The following MFSD6 variants were observed in gnomAD, a reference collection of about 807,000 sequenced individuals.
The protein encoded by MFSD6 is major facilitator superfamily domain containing 6.
In MFSD6, 26 loss-of-function variants were observed where a neutral mutation model predicts 56.3. The observed-to-expected ratio is 0.46, with a 90% confidence interval of 0.34 to 0.64. The LOEUF is 0.64. MFSD6 is among the 30% of genes least tolerant of loss of function. The pLI, the probability that MFSD6 is intolerant of heterozygous loss-of-function variation, is 0.01. For synonymous variants in MFSD6, 331 were observed against 366.9 expected (o/e 0.90, Z 1.12); for missense variants, 750 against 986.2 (o/e 0.76, Z 3.21).
intron 3 of MFSD6, among the ~76,000 whole-genome samples, chr2:190,460,203 A>G (rs1687251318): frequency 6.6e-6 from 1 of 152,252 alleles, no homozygotes; most frequent in Non-Finnish European, 1.5e-5. Flanking sequence ...TCAGCTACTC[A>G]TTGAGCTATT....
At position 190,436,391 on chromosome 2, in the gene MFSD6, G is replaced by T; in HGVS notation, c.362G>T (p.Trp121Leu). 1 of 1,614,088 alleles carries T rather than the reference G, an allele frequency of 6.2e-7. No homozygotes were observed. The highest frequency in any genetic ancestry group is 8.5e-7 in the Non-Finnish European group (1 of 1,180,010). ...YFIEFCSAPFWGVVADRFKKG... is the reference protein window; with the variant it reads ...YFIEFCSAPFLGVVADRFKKG... Reference sequence around the variant, plus strand: ...ATTGAATTCTGCAGTGCCCCCTTTTGGGGTGTAGTTGCAGACCGCTTTAAA... The same window carrying T: ...ATTGAATTCTGCAGTGCCCCCTTTTTGGGTGTAGTTGCAGACCGCTTTAAA... The change falls in exon 3 of 8, where the codon TGG becomes TTG. Residue 121 changes from tryptophan to leucine, a missense_variant. Trp to Leu is a moderately conservative substitution (Grantham distance 61, BLOSUM62 -2). This residue lies in a region of MFSD6 where 376 missense variants were observed against 437.9 expected (regional missense o/e 0.86). Transcript: ENST00000392328. The surrounding 1 kb of genome is among the most constrained non-coding windows in gnomAD (Gnocchi z 5.3).
intron 4 of MFSD6, among the ~76,000 whole-genome samples, chr2:190,476,435 CAACA>C (rs1688317835): frequency 6.6e-6 from 1 of 152,086 alleles, no homozygotes; most frequent in Non-Finnish European, 1.5e-5. Context: ...TTTATGCAGC[CAACA>C]GACACATGAA....
chr2:190,479,787 G>A (rs1311686333), intron 4 of MFSD6, among the ~76,000 whole-genome samples: 1 of 152,142 alleles, frequency 6.6e-6, no homozygotes, highest in African/African-American at 2.4e-5. Context: ...GAGTGAAAAC[G>A]AGGTCTGGGT....
In MFSD6 at chr2:190,437,133, C is replaced by T. The variant is rs1389386880; in HGVS notation, c.1104C>T (p.Tyr368=). 2.5e-6 allele frequency: 4 copies of T among 1,614,130 alleles called. No homozygotes were observed. Among genetic ancestry groups the T allele is most frequent in the African/African-American group, 1.3e-5 (1 of 74,936 alleles). The change falls in exon 3 of 8, where the codon TAC becomes TAT. Residue 368 remains tyrosine (Y), a synonymous_variant. Transcript: ENST00000392328. The surrounding 1 kb of genome is among the most constrained non-coding windows in gnomAD (Gnocchi z 5.9). ...GTAAGCCCCCCGAGTACAGGAATTA[C>T]CAGATCGTCTTCATCGTCTTCGGCG... ...KGCKPPEYRN[Y]QIVFIVFGVL...
At position 190,438,447 on chromosome 2, in the gene MFSD6, C is replaced by T. The variant is rs1686254215; in HGVS notation, c.1532+886C>T. Among the ~76,000 whole-genome samples, 1 of 152,172 alleles carries T rather than the reference C, an allele frequency of 6.6e-6. No homozygotes were observed. Among genetic ancestry groups the T allele is most frequent in the Non-Finnish European group, 1.5e-5 (1 of 68,030 alleles). On this transcript the variant is annotated intron_variant, in intron 3 of 7. Transcript: ENST00000392328. The surrounding 1 kb of genome is among the most constrained non-coding windows in gnomAD (Gnocchi z 5.2). ...ACAAGAATCACTTGAACCCAGGAGG[C>T]AGAGGTTGCAGTGAGTCAAGATCAC...
rs778190199 is a variant in MFSD6 at position 190,489,804 on chromosome 2, G to T, written c.1829G>T (p.Cys610Phe). 1.9e-6 allele frequency: 3 copies of T among 1,614,204 alleles called. No individual in the cohort carries two copies. Among genetic ancestry groups the T allele is most frequent in the East Asian group, 4.5e-5 (2 of 44,888 alleles). ...AATFRGIGMA[C>F]LVILLLFALI... ...ACCTTCCGAGGAATTGGCATGGCCTGCTTGGTGATCCTACTGCTCTTTGCC... is the reference window on the plus strand; with the variant it reads ...ACCTTCCGAGGAATTGGCATGGCCTTCTTGGTGATCCTACTGCTCTTTGCC... The change falls in exon 6 of 8, where the codon TGC becomes TTC. Residue 610 changes from cysteine (C) to phenylalanine (F), a missense_variant. By Grantham distance (205) the Cys-to-Phe change is radical. Around this residue, in one of 5 missense-constraint regions of MFSD6, gnomAD observed 125 missense variants for 223.1 expected, o/e 0.56. Coordinates refer to ENST00000392328, the MANE Select transcript of MFSD6 (RefSeq NM_017694.4). The surrounding 1 kb of genome is among the most constrained non-coding windows in gnomAD (Gnocchi z 6.6).
At position 190,465,541 on chromosome 2, in the gene MFSD6, C is replaced by T. The variant is rs1293066184; in HGVS notation, c.1533-4217C>T. Among the ~76,000 whole-genome samples the T allele has an allele frequency of 2.6e-5, 4 of 151,932 alleles. No individual in the cohort carries two copies. Among genetic ancestry groups the T allele is most frequent in the Non-Finnish European group, 5.9e-5 (4 of 68,006 alleles). ...AAAATTCTAGGACCCTGAACATATGCTCATATTCAGCATAAAAAAGAATTT... is the reference window on the plus strand; with the variant it reads ...AAAATTCTAGGACCCTGAACATATGTTCATATTCAGCATAAAAAAGAATTT... On this transcript the variant is annotated intron_variant, in intron 3 of 7. Coordinates refer to ENST00000392328, the MANE Select transcript of MFSD6 (RefSeq NM_017694.4). The surrounding 1 kb of genome is among the most constrained non-coding windows in gnomAD (Gnocchi z 4.6).
rs1440006022 is a variant in MFSD6 at position 190,492,115 on chromosome 2, G to T, written c.1891+2249G>T. Among the ~76,000 whole-genome samples, 1 of 151,984 alleles carries T rather than the reference G, an allele frequency of 6.6e-6. No individual in the cohort carries two copies. Among genetic ancestry groups the T allele is most frequent in the African/African-American group, 2.4e-5 (1 of 41,352 alleles). On this transcript the variant is annotated intron_variant, in intron 6 of 7. Coordinates refer to ENST00000392328, the MANE Select transcript of MFSD6 (RefSeq NM_017694.4). The surrounding 1 kb of genome is among the most constrained non-coding windows in gnomAD (Gnocchi z 5.2). The stretch of plus-strand genomic sequence containing the variant: ...TAATCCAACGAAGACAAAGAAAAAA[G>T]AATTTTAAAAAATGAACAAAGCCTC...
rs1457765927 is a variant in MFSD6 at position 190,496,256 on chromosome 2, G to A, written c.1892-1183G>A. 6.6e-6 allele frequency among the ~76,000 whole-genome samples: 1 copy of A among 152,048 alleles called. No individual in the cohort carries two copies. The highest frequency in any genetic ancestry group is 1.5e-5 in the Non-Finnish European group (1 of 68,012). On this transcript the variant is annotated intron_variant, in intron 6 of 7. Transcript: ENST00000392328. The surrounding 1 kb of genome is among the most constrained non-coding windows in gnomAD (Gnocchi z 4.7). ...ATGGTCAACATCACTAGTGATCAGG[G>A]AAATGCAAATCAAAACCACAATGTG... is the stretch of plus-strand genomic sequence containing the variant.
chr2:190,418,566 G>A lies in MFSD6; in HGVS notation c.-54+3153G>A, dbSNP rs1390775098. Among the ~76,000 whole-genome samples, 2 of 151,890 alleles carry A rather than the reference G, an allele frequency of 1.3e-5. No individual in the cohort carries two copies. Among genetic ancestry groups the A allele is most frequent in the Non-Finnish European group, 2.9e-5 (2 of 67,974 alleles). ...AGCCCAGGAGTTCAAGACCAGCCTG[G>A]GCAACATAGTGAGACCCTGTCTCTG... On this transcript the variant is annotated intron_variant, in intron 2 of 7. Coordinates refer to ENST00000392328, the MANE Select transcript of MFSD6 (RefSeq NM_017694.4). The surrounding 1 kb of genome is among the most constrained non-coding windows in gnomAD (Gnocchi z 4.1).
rs1685759787 is a variant in MFSD6 at position 190,425,475 on chromosome 2, G to C, written c.-54+10062G>C. On this transcript the variant is annotated intron_variant, in intron 2 of 7. Coordinates refer to ENST00000392328, the MANE Select transcript of MFSD6 (RefSeq NM_017694.4). The surrounding 1 kb of genome is among the most constrained non-coding windows in gnomAD (Gnocchi z 4.3). ...GCAGTGTTACCCATGGGTTTCCGTA[G>C]GTGATCTTTATCAAATTGAGAACAT... Among the ~76,000 whole-genome samples, 1 of 152,074 alleles carries C rather than the reference G, an allele frequency of 6.6e-6. No homozygotes were observed. The highest frequency in any genetic ancestry group is 2.1e-4 in the South Asian group (1 of 4,824).
intron 3 of MFSD6, among the ~76,000 whole-genome samples, chr2:190,445,800 A>G (rs925857472): frequency 1.5e-5 from 2 of 135,574 alleles, no homozygotes; most frequent in African/African-American, 5.3e-5. Context: ...TCAGATTCAT[A>G]ACGTGGTAAT....
rs1386905981 is a variant in MFSD6 at position 190,487,038 on chromosome 2, TTTAAC to T, written c.1631-1617_1631-1613del. On this transcript the variant is annotated intron_variant, in intron 4 of 7. Transcript: ENST00000392328. The surrounding 1 kb of genome is among the most constrained non-coding windows in gnomAD (Gnocchi z 5.5). The stretch of plus-strand genomic sequence containing the variant: ...GGTAAATTGTTTCTGCACTCATTTT[TTTAAC>T]TGAACTATATATTAAGAAGCATGGC... 6.6e-6 allele frequency among the ~76,000 whole-genome samples: 1 copy of T among 152,198 alleles called. No homozygotes were observed. The highest frequency in any genetic ancestry group is 1.5e-5 in the Non-Finnish European group (1 of 68,040).
rs530888918 is a variant in MFSD6, at chr2:190,496,595, T to A, written c.1892-844T>A. On this transcript the variant is annotated intron_variant, in intron 6 of 7. Coordinates refer to ENST00000392328, the MANE Select transcript of MFSD6 (RefSeq NM_017694.4). The surrounding 1 kb of genome is among the most constrained non-coding windows in gnomAD (Gnocchi z 4.7). ...GCCCAAATGCCCATCAATCAATGAG[T>A]GGATAAAGAAACTGTAGTGTGTGTA... 5.9e-5 allele frequency among the ~76,000 whole-genome samples: 9 copies of A among 151,766 alleles called. No homozygotes were observed. The highest frequency in any genetic ancestry group is 1.3e-4 in the Non-Finnish European group (9 of 67,946).
intron 4 of MFSD6, among the ~76,000 whole-genome samples, chr2:190,486,407 T>C (rs1461915300): frequency 3.3e-5 from 5 of 152,264 alleles, no homozygotes; most frequent in Non-Finnish European, 5.9e-5. Context: ...CCTATGATGC[T>C]ATCTCCTCTC....
At chr2:190,420,587 T>C (rs1685573198) in intron 2 of MFSD6, among the ~76,000 whole-genome samples, 1 of 152,212 alleles carries the variant, frequency 6.6e-6, no homozygotes, top group Non-Finnish European at 1.5e-5. Flanking sequence ...TCATCCAGCA[T>C]ATAAATATTT....
In MFSD6 at chr2:190,500,132, C is replaced by G; in HGVS notation, c.2290C>G (p.Gln764Glu). 1.2e-6 allele frequency: 2 copies of G among 1,614,158 alleles called. No individual in the cohort carries two copies. The highest frequency in any genetic ancestry group is 1.7e-6 in the Non-Finnish European group (2 of 1,180,028). ...PSPDAAASQTQTSPAHPSVDP... is the reference protein window; with the variant it reads ...PSPDAAASQTETSPAHPSVDP... ...CCCTGACGCAGCAGCATCTCAGACG[C>G]AGACCAGCCCCGCTCACCCCAGTGT... Residue 764 changes from glutamine to glutamate, a missense_variant, in exon 8 of 8, where the codon CAG becomes GAG. Physicochemically the swap from Gln to Glu is conservative, Grantham distance 29 (BLOSUM62 2). Transcript: ENST00000392328. The surrounding 1 kb of genome is among the most constrained non-coding windows in gnomAD (Gnocchi z 5.3).
Position 190,496,791 on chromosome 2 carries a change from T to C in MFSD6, c.1892-648T>C, listed in dbSNP as rs1392240195. Reference sequence around the variant, plus strand: ...CTGGATGGAACTGGAGACCATATTCTAAGTGAAGCAACTCAAGAATGGAAA... The same window carrying C: ...CTGGATGGAACTGGAGACCATATTCCAAGTGAAGCAACTCAAGAATGGAAA... On this transcript the variant is annotated intron_variant, in intron 6 of 7. Coordinates refer to ENST00000392328, the MANE Select transcript of MFSD6 (RefSeq NM_017694.4). This position sits in a 1 kb window ranked among gnomAD's most constrained non-coding sequence, Gnocchi z 4.7. Among the ~76,000 whole-genome samples the C allele has an allele frequency of 6.6e-6, 1 of 152,198 alleles. No individual in the cohort carries two copies. The highest frequency in any genetic ancestry group is 2.4e-5 in the African/African-American group (1 of 41,450).
chr2:190,477,683 C>T (rs1364990816), intron 4 of MFSD6, among the ~76,000 whole-genome samples: 1 of 152,174 alleles, frequency 6.6e-6, no homozygotes, highest in Non-Finnish European at 1.5e-5. Context: ...TATATTAACT[C>T]AGGCCACAAG....
Sources: allele counts gnomAD v4.1 joint callset (sites outside exome capture counted in the v4.1 genomes callset), GRCh38; gene constraint gnomAD v4.1.1; regional missense constraint gnomAD v4.1.1; non-coding constraint Gnocchi (gnomAD v3.1); transcripts MANE v1.5; gene names NCBI Gene and HGNC (gene_info 2026-07-23, HGNC 2026-07-21).